PCDHA12: variants seen among roughly 807,000 people sequenced by gnomAD.
The protein encoded by PCDHA12 is protocadherin alpha 12, also known as protocadherin alpha-12.
In PCDHA12, 44 loss-of-function variants were observed where a neutral mutation model predicts 60.0. The ratio of observed to expected loss-of-function variants is 0.73; its 90% CI spans 0.58 to 0.94. The LOEUF is 0.94. Among genes scored for constraint, PCDHA12 ranks in the 40% least tolerant of loss-of-function variants. The pLI is 0.00. For missense variants in PCDHA12, 1,276 were observed against 1,239.7 expected (o/e 1.03, Z -0.44); for synonymous variants, 569 against 553.0 (o/e 1.03, Z -0.40).
chr5:140,907,439 A>T (rs1217956706), intron 1 of PCDHA12, among the ~76,000 whole-genome samples: 1 of 152,250 alleles, frequency 6.6e-6, no homozygotes, highest in Non-Finnish European at 1.5e-5. Flanking sequence ...CTGTGAGTCC[A>T]CAGATGGTAA....
At chr5:140,980,475 C>G (rs538255137) in intron 2 of PCDHA12, among the ~76,000 whole-genome samples, 10 of 152,148 alleles carry the variant, frequency 6.6e-5, no homozygotes, top group African/African-American at 2.2e-4. Context: ...ACTAAAAATA[C>G]AAAAATTAGC....
intron 1 of PCDHA12, among the ~76,000 whole-genome samples, chr5:140,972,660 ATTTTTTT>A (rs11350929): frequency 8.5e-6 from 1 of 117,268 alleles, no homozygotes; most frequent in Admixed American, 9.2e-5. Flanking sequence ...AAGAAACCAA[ATTTTTTT>A]TTTTTTTTTT....
At chr5:140,985,608 G>A (rs76669319) in intron 3 of PCDHA12, among the ~76,000 whole-genome samples, 1,553 of 152,166 alleles carry the variant, frequency 0.01, 12 homozygotes, top group Middle Eastern at 0.054. Context: ...AGCCCTTTCC[G>A]TGAACCAGCT....
intron 1 of PCDHA12, among the ~76,000 whole-genome samples, chr5:140,924,825 G>A (rs1282051408): frequency 1.3e-5 from 2 of 151,514 alleles, no homozygotes; most frequent in African/African-American, 4.9e-5. Flanking sequence ...AACCTGGGAG[G>A]GGGAGGTTGC....
intron 3 of PCDHA12, among the ~76,000 whole-genome samples, chr5:141,005,280 C>T (rs2098203817): frequency 6.6e-6 from 1 of 152,180 alleles, no homozygotes; most frequent in Non-Finnish European, 1.5e-5. Context: ...GGTGAATAAA[C>T]AGATACATTT....
intron 1 of PCDHA12, among the ~76,000 whole-genome samples, chr5:140,910,875 C>A (rs1224657424): frequency 4.6e-5 from 7 of 152,184 alleles, no homozygotes; most frequent in Non-Finnish European, 7.3e-5. Flanking sequence ...TTATCCCACA[C>A]CCTTAATATC....
In PCDHA12 at chr5:140,875,529, G is replaced by A; in HGVS notation, c.57G>A (p.Leu19=). The A allele has an allele frequency of 1.2e-6, 2 of 1,614,112 alleles. No individual in the cohort carries two copies. Among genetic ancestry groups the A allele is most frequent in the South Asian group, 1.1e-5 (1 of 91,078 alleles). ...CCCAGCGTCTGCTGCTCTCGCTTCT[G>A]CTCCTTGCAGCCTGGGAGGTGGGGA... The part of the protein sequence containing the change: ...PGSQRLLLSL[L]LLAAWEVGSG... Residue 19 remains leucine (L), a synonymous_variant, in exon 1 of 4, where the codon CTG becomes CTA. Coordinates refer to ENST00000398631, the MANE Select transcript of PCDHA12 (RefSeq NM_018903.4).
intron 1 of PCDHA12, among the ~76,000 whole-genome samples, chr5:140,904,555 C>A (rs1345633704): frequency 6.6e-6 from 1 of 151,632 alleles, no homozygotes. Flanking sequence ...CATATAATGA[C>A]TTTTTTTTCC....
At chr5:140,927,989 A>T (rs2084847354) in intron 1 of PCDHA12, 1 of 1,614,208 alleles carries the variant, frequency 6.2e-7, no homozygotes, top group African/African-American at 1.3e-5. Flanking sequence ...AGTGTAAAGG[A>T]TGAAGACCTC....
intron 3 of PCDHA12, among the ~76,000 whole-genome samples, chr5:140,996,253 A>C (rs2153938437): frequency 6.6e-6 from 1 of 152,370 alleles, no homozygotes; most frequent in African/African-American, 2.4e-5. Flanking sequence ...AAGTGACAGC[A>C]ACACAGAGCC....
chr5:141,006,441 C>T (rs2098274470), intron 3 of PCDHA12, among the ~76,000 whole-genome samples: 1 of 152,110 alleles, frequency 6.6e-6, no homozygotes, highest in Non-Finnish European at 1.5e-5. Flanking sequence ...TCTCAATCTC[C>T]TGACCTCGAG....
At chr5:140,942,679 G>T (rs549826522) in intron 1 of PCDHA12, among the ~76,000 whole-genome samples, 8 of 151,904 alleles carry the variant, frequency 5.3e-5, no homozygotes, top group Non-Finnish European at 8.8e-5. Flanking sequence ...AAAGTTTTAG[G>T]AATAACTTTA....
At position 140,877,689 on chromosome 5, in the gene PCDHA12, G is replaced by A. The variant is rs1554169989; in HGVS notation, c.2217G>A (p.Leu739=). Residue 739 remains leucine, a synonymous_variant, in exon 1 of 4, where the codon CTG becomes CTA. Transcript: ENST00000398631. ...GGTGCGCGCCGGGCAAGCCCACGCT[G>A]GTGTGCTCCAGCGCCGTGGGGAGTT... ...VSRCAPGKPT[L]VCSSAVGSWS... is the part of the protein sequence containing the mutation. 2 of 1,613,914 alleles carry A rather than the reference G, an allele frequency of 1.2e-6. No individual in the cohort carries two copies. Among genetic ancestry groups the A allele is most frequent in the Non-Finnish European group, 8.5e-7 (1 of 1,179,958 alleles).
chr5:141,010,923 A>T lies in PCDHA12; in HGVS notation c.*986A>T, dbSNP rs184389417. The T allele has an allele frequency of 4.0e-3, 619 of 153,912 alleles. 3 individuals are homozygous for T. Among genetic ancestry groups the T allele is most frequent in the Admixed American group, 6.2e-3 (95 of 15,302 alleles). The allele number at this position is 153,912 out of a possible 1,614,324, so 9.5% of individuals were successfully genotyped here. A position where few individuals can be genotyped will look rare whatever the true frequency, so the allele number is the denominator to read the frequency against. ...TCCCCTAAACTCTCCTCAAAAGAGA[A>T]TTCAGTCTACAGCCATTTAAATGAT... On this transcript the variant is annotated 3_prime_UTR_variant, in exon 4 of 4. Coordinates refer to ENST00000398631, the MANE Select transcript of PCDHA12 (RefSeq NM_018903.4).
intron 3 of PCDHA12, among the ~76,000 whole-genome samples, chr5:140,994,539 CA>C (rs35651294): frequency 0.48 from 72,467 of 151,372 alleles, 18,531 homozygotes; most frequent in African/African-American, 0.67. Flanking sequence ...CCCATCTCTA[CA>C]AAAAAAATAT....
chr5:140,937,511 G>A (rs569896730), intron 1 of PCDHA12, among the ~76,000 whole-genome samples: 2 of 152,166 alleles, frequency 1.3e-5, no homozygotes, highest in Non-Finnish European at 2.9e-5. Context: ...CAGCTACTCA[G>A]GAGGCTGAGG....
chr5:140,924,665 C>A (rs528625954), intron 1 of PCDHA12, among the ~76,000 whole-genome samples: 3 of 152,050 alleles, frequency 2.0e-5, no homozygotes, highest in Non-Finnish European at 4.4e-5. Flanking sequence ...GAGGCCGAGG[C>A]AGGCCAATCA....
At chr5:140,887,629 T>C (rs2061519169) in intron 1 of PCDHA12, among the ~76,000 whole-genome samples, 1 of 152,128 alleles carries the variant, frequency 6.6e-6, no homozygotes, top group Non-Finnish European at 1.5e-5. Flanking sequence ...TTTATGTTAG[T>C]CTGTTGGGGT....
intron 1 of PCDHA12, among the ~76,000 whole-genome samples, chr5:140,978,570 G>C (rs151127662): frequency 6.6e-6 from 1 of 152,196 alleles, no homozygotes; most frequent in Middle Eastern, 3.2e-3. Flanking sequence ...CTGTAATACT[G>C]AATTGGGAAT....
Sources: gnomAD v4.1 joint callset for allele counts (sites outside exome capture counted in the v4.1 genomes callset) on GRCh38, gnomAD v4.1.1 for gene constraint, MANE v1.5 for transcripts, NCBI Gene and HGNC (gene_info 2026-07-23, HGNC 2026-07-21) for gene names.